Variants in ZNF648 observed in about 807,000 individuals in gnomAD.
The protein encoded by ZNF648 is zinc finger protein 648.
In ZNF648, 1 loss-of-function variant was observed where a neutral mutation model predicts 0.3. That is an observed-to-expected ratio of 3.90 (90% CI 1.39 to 18.51). The LOEUF is 18.51. ZNF648 is among the 30% of genes most tolerant of loss of function. The probability of loss-of-function intolerance (pLI) is 0.11; values close to 1 mark genes in which losing one functional copy is unlikely to be tolerated. For synonymous variants in ZNF648, 376 were observed against 326.8 expected, an observed-to-expected ratio of 1.15 and a Z score of -1.62; for missense variants, 874 against 769.7, an observed-to-expected ratio of 1.14 and a Z score of -1.60.
chr1:182,065,440 C>T (rs1666086320), upstream of ZNF648, among the ~76,000 whole-genome samples: 1 of 152,182 alleles, frequency 6.6e-6, no homozygotes, highest in African/African-American at 2.4e-5. Context: ...CCTCATTCAG[C>T]CTGGACAGCC....
Position 182,057,776 on chromosome 1 carries a change from C to A in ZNF648, c.235G>T (p.Glu79Ter), listed in dbSNP as rs376723631. Residue 79 changes from glutamate (E) to a stop codon, truncating the protein, a stop_gained, in exon 2 of 2, where the codon GAG becomes TAG. Coordinates refer to ENST00000339948, the MANE Select transcript of ZNF648 (RefSeq NM_001009992.1). LOFTEE classifies it low-confidence loss of function (END_TRUNC). ...PWPHPLGKEE[E>*]KFSDSSSAGG... ...GCACTGGAGGAGTCAGAGAATTTCT[C>A]TTCCTCTTTGCCCAGTGGATGGGGC... is the stretch of plus-strand genomic sequence containing the variant. 6.2e-7 allele frequency: 1 copy of A among 1,614,250 alleles called. No individual in the cohort carries two copies. The highest frequency in any genetic ancestry group is 8.5e-7 in the Non-Finnish European group (1 of 1,180,042).
chr1:182,057,702 C>T lies in ZNF648; in HGVS notation c.309G>A (p.Trp103Ter), dbSNP rs143029059. The T allele has an allele frequency of 6.2e-7, 1 of 1,614,226 alleles. No individual in the cohort carries two copies. The highest frequency in any genetic ancestry group is 1.3e-5 in the African/African-American group (1 of 75,058). The change falls in exon 2 of 2, where the codon TGG (tryptophan) becomes TGA (stop). Residue 103 changes from tryptophan (W) to a stop codon, truncating the protein, a stop_gained. Transcript: ENST00000339948. LOFTEE classifies it low-confidence loss of function (END_TRUNC). Reference sequence around the variant, plus strand: ...CGTTGATCTTTGTCACATCTCTGCTCCAACTGGCTTTCCCAGACATTTCCA... The same window carrying T: ...CGTTGATCTTTGTCACATCTCTGCTTCAACTGGCTTTCCCAGACATTTCCA... ...KPVEMSGKAS[W>*]SRDVTKINET...
In ZNF648 at chr1:182,056,850, C is replaced by G; in HGVS notation, c.1161G>C (p.Leu387=). Residue 387 remains leucine, a synonymous_variant, in exon 2 of 2, where the codon CTG becomes CTC. Transcript: ENST00000339948. ...CGGGGCAGCGGAAGGGCTTGGCGCCCAGGTGCGTGCGCTGGTGGCGCAGCA... is the reference window on the plus strand; with the variant it reads ...CGGGGCAGCGGAAGGGCTTGGCGCCGAGGTGCGTGCGCTGGTGGCGCAGCA... ...LSLLRHQRTH[L]GAKPFRCPAC... 1 of 1,558,602 alleles carries G rather than the reference C, an allele frequency of 6.4e-7. No homozygotes were observed.
Position 182,057,174 on chromosome 1 carries a change from G to C in ZNF648, c.837C>G (p.Tyr279Ter), listed in dbSNP as rs767179538. The change falls in exon 2 of 2, where the codon TAC becomes TAG. Residue 279 changes from tyrosine to a stop codon, truncating the protein, a stop_gained. Coordinates refer to ENST00000339948, the MANE Select transcript of ZNF648 (RefSeq NM_001009992.1). LOFTEE classifies it low-confidence loss of function (END_TRUNC). ...AGGCCTTCCCGCATAGCTCGCACGCGTAGCGCTTGGCGGCGCCGCCGCGCG... is the reference window on the plus strand; with the variant it reads ...AGGCCTTCCCGCATAGCTCGCACGCCTAGCGCTTGGCGGCGCCGCCGCGCG... ...AETRGGAAKRYACELCGKAYS... is the reference protein window; with the variant it reads ...AETRGGAAKR 3 of 1,589,626 alleles carry C rather than the reference G, an allele frequency of 1.9e-6. No individual in the cohort carries two copies. The highest frequency in any genetic ancestry group is 1.1e-5 in the South Asian group (1 of 90,018).
Position 182,057,844 on chromosome 1 carries a change from C to T in ZNF648, c.167G>A (p.Arg56Lys), listed in dbSNP as rs1408926326. 1.2e-6 allele frequency: 2 copies of T among 1,614,204 alleles called. No individual in the cohort carries two copies. The highest frequency in any genetic ancestry group is 1.1e-5 in the South Asian group (1 of 91,086). Residue 56 changes from arginine (R) to lysine (K), a missense_variant, in exon 2 of 2, where the codon AGG (arginine) becomes AAG (lysine). By Grantham distance (26) the Arg-to-Lys change is conservative. Transcript: ENST00000339948. ...TTCGTGTGTTACTGGGGAGCTGCCC[C>T]TTGGACAGGCCACCGGGTCAGCGGT... Reference protein sequence around the residue: ...EGTADPVACPRGSSPVTHENP... With the variant: ...EGTADPVACPKGSSPVTHENP...
chr1:182,062,851 C>G (rs1666048802), upstream of ZNF648: 5 of 152,188 alleles, frequency 3.3e-5, no homozygotes, highest in Admixed American at 1.3e-4. Flanking sequence ...TCCTGATGCT[C>G]TCTCCACCCC....
chr1:182,058,762 C>T (rs928609177), intron 1 of ZNF648, among the ~76,000 whole-genome samples: 1 of 152,186 alleles, frequency 6.6e-6, no homozygotes, highest in Non-Finnish European at 1.5e-5. Flanking sequence ...GAGAGCTTGA[C>T]CTGTCTTTGA....
Position 182,057,045 on chromosome 1 carries a change from G to A in ZNF648, c.966C>T (p.His322=). Residue 322 remains histidine, a synonymous_variant, in exon 2 of 2, where the codon CAC becomes CAT. Transcript: ENST00000339948. Reference sequence around the variant, plus strand: ...CTGTGTGGGTGCGGATGTGCTTCCGGTGGTCGGAGGACCAGGTGTAGGCCT... The same window carrying A: ...CTGTGTGGGTGCGGATGTGCTTCCGATGGTCGGAGGACCAGGTGTAGGCCT... ...CDKAYTWSSD[H]RKHIRTHTGE... 1 of 1,612,164 alleles carries A rather than the reference G, an allele frequency of 6.2e-7. No individual in the cohort carries two copies. The highest frequency in any genetic ancestry group is 2.2e-5 in the East Asian group (1 of 44,668).
At position 182,056,715 on chromosome 1, in the gene ZNF648, G is replaced by C. The variant is rs747599595; in HGVS notation, c.1296C>G (p.Ser432=). The C allele has an allele frequency of 1.3e-6, 2 of 1,593,026 alleles. No individual in the cohort carries two copies. The highest frequency in any genetic ancestry group is 1.7e-4 in the Middle Eastern group (1 of 6,024). Reference sequence around the variant, plus strand: ...GCGTCTGGTGCTCGGACAGATTGGAGGACTTGGTGAAGCACTTGCCGCAGG... The same window carrying C: ...GCGTCTGGTGCTCGGACAGATTGGACGACTTGGTGAAGCACTTGCCGCAGG... ...CPTCGKCFTK[S]SNLSEHQTLH... The change falls in exon 2 of 2, where the codon TCC becomes TCG. Residue 432 remains serine (S), a synonymous_variant. Coordinates refer to ENST00000339948, the MANE Select transcript of ZNF648 (RefSeq NM_001009992.1).
rs1665916536 is a variant in ZNF648, at chr1:182,056,617, C to T, written c.1394G>A (p.Arg465His). 6.2e-7 allele frequency: 1 copy of T among 1,612,278 alleles called. No individual in the cohort carries two copies. The highest frequency in any genetic ancestry group is 8.5e-7 in the Non-Finnish European group (1 of 1,179,318). Residue 465 changes from arginine to histidine, a missense_variant, in exon 2 of 2, where the codon CGC (arginine) becomes CAC (histidine). Transcript: ENST00000339948. The stretch of plus-strand genomic sequence containing the variant: ...CTCGCCAGTGTGGATGCGCTGGTGG[C>T]GCACGAGGCGCGAGGGCTGCGCGAA... ...VAFAQPSRLV[R>H]HQRIHTGERP... is the part of the protein sequence containing the mutation.
chr1:182,057,681 G>A lies in ZNF648; in HGVS notation c.330C>T (p.Ile110=). 6.2e-7 allele frequency: 1 copy of A among 1,614,202 alleles called. No individual in the cohort carries two copies. Among genetic ancestry groups the A allele is most frequent in the Non-Finnish European group, 8.5e-7 (1 of 1,180,044 alleles). ...CTCCCGGGGAACCCTGGGTCTCGTT[G>A]ATCTTTGTCACATCTCTGCTCCAAC... ...KASWSRDVTK[I]NETQGSPGAS... is the part of the protein sequence containing the mutation. The change falls in exon 2 of 2, where the codon ATC becomes ATT. Residue 110 remains isoleucine, a synonymous_variant. Coordinates refer to ENST00000339948, the MANE Select transcript of ZNF648 (RefSeq NM_001009992.1).
intron 1 of ZNF648, among the ~76,000 whole-genome samples, chr1:182,059,803 C>CAAAA: frequency 7.3e-6 from 1 of 136,902 alleles, no homozygotes; most frequent in South Asian, 2.4e-4. Flanking sequence ...GACTACATCT[C>CAAAA]AAAAAAAAAA....
Position 182,057,210 on chromosome 1 carries a change from G to A in ZNF648, c.801C>T (p.Ser267=), listed in dbSNP as rs763347487. Residue 267 remains serine, a synonymous_variant, in exon 2 of 2, where the codon AGC becomes AGT. Coordinates refer to ENST00000339948, the MANE Select transcript of ZNF648 (RefSeq NM_001009992.1). ...RAFQKPSKPL[S]PAETRGGAAK... Reference sequence around the variant, plus strand: ...CGGCGCCGCCGCGCGTCTCCGCGGGGCTCAGCGGCTTGCTGGGCTTCTGAA... The same window carrying A: ...CGGCGCCGCCGCGCGTCTCCGCGGGACTCAGCGGCTTGCTGGGCTTCTGAA... 2 of 1,570,004 alleles carry A rather than the reference G, an allele frequency of 1.3e-6. No individual in the cohort carries two copies. Among genetic ancestry groups the A allele is most frequent in the African/African-American group, 2.7e-5 (2 of 74,152 alleles).
rs867059764 is a variant in ZNF648, at chr1:182,056,526, T to C, written c.1485A>G (p.Gln495=). The C allele has an allele frequency of 6.2e-7, 1 of 1,613,862 alleles. No individual in the cohort carries two copies. Among genetic ancestry groups the C allele is most frequent in the South Asian group, 1.1e-5 (1 of 91,020 alleles). Residue 495 remains glutamine (Q), a synonymous_variant, in exon 2 of 2, where the codon CAA becomes CAG. Coordinates refer to ENST00000339948, the MANE Select transcript of ZNF648 (RefSeq NM_001009992.1). ...FARSSTLKRH[Q]QIHSGEKGFL... is the part of the protein sequence containing the mutation. ...ATCCCTTCTCCCCGGAGTGGATCTG[T>C]TGGTGCCGCTTCAGGGTCGAAGAGC...
In ZNF648 at chr1:182,057,288, C is replaced by T. The variant is rs764846052; in HGVS notation, c.723G>A (p.Glu241=). The T allele has an allele frequency of 1.3e-6, 2 of 1,596,316 alleles. No individual in the cohort carries two copies. Among genetic ancestry groups the T allele is most frequent in the African/African-American group, 1.3e-5 (1 of 74,880 alleles). Residue 241 remains glutamate, a synonymous_variant, in exon 2 of 2, where the codon GAG becomes GAA. Transcript: ENST00000339948. ...RKVQNQAGRR[E]GGEAEARPYR... ...AGGGACGCGCCTCAGCCTCTCCGCC[C>T]TCGCGCCGGCCCGCCTGGTTCTGTA...
chr1:182,060,593 T>C (rs1362643668), intron 1 of ZNF648, among the ~76,000 whole-genome samples: 1 of 152,148 alleles, frequency 6.6e-6, no homozygotes, highest in Non-Finnish European at 1.5e-5. Flanking sequence ...CTCTCACTGC[T>C]TCCCTCACCC....
chr1:182,063,464 G>A (rs1024396468), upstream of ZNF648: 4 of 152,110 alleles, frequency 2.6e-5, no homozygotes, highest in African/African-American at 7.2e-5. Flanking sequence ...GTAATGTTGA[G>A]CTCTTTTTTC....
chr1:182,065,916 A>G (rs770773596), upstream of ZNF648, among the ~76,000 whole-genome samples: 46 of 152,156 alleles, frequency 3.0e-4, no homozygotes, highest in Non-Finnish European at 6.0e-4. Context: ...GCACAAGCAC[A>G]TTTACTGTCT....
rs746985751 is a variant in ZNF648 at position 182,055,342 on chromosome 1, C to T, written c.*962G>A. Reference sequence around the variant, plus strand: ...AAAGGGTGTTTTGTTCACTTCAAGTCAAGACTAATGATTCAGACAAATTTA... The same window carrying T: ...AAAGGGTGTTTTGTTCACTTCAAGTTAAGACTAATGATTCAGACAAATTTA... On this transcript the variant is annotated 3_prime_UTR_variant, in exon 2 of 2. Transcript: ENST00000339948. This position sits in a 1 kb window ranked among gnomAD's most constrained non-coding sequence, Gnocchi z 4.1. 1 of 152,202 alleles carries T rather than the reference C, an allele frequency of 6.6e-6. No homozygotes were observed. The highest frequency in any genetic ancestry group is 2.4e-5 in the African/African-American group (1 of 41,446). The allele number at this position is 152,202 out of a possible 1,614,324, so 9.4% of individuals were successfully genotyped here.
Sources: gnomAD v4.1 joint callset for allele counts (sites outside exome capture counted in the v4.1 genomes callset) on GRCh38, gnomAD v4.1.1 for gene constraint, Gnocchi (gnomAD v3.1) non-coding constraint, MANE v1.5 for transcripts, NCBI Gene and HGNC (gene_info 2026-07-23, HGNC 2026-07-21) for gene names.